The following AASDH variants were observed in gnomAD, a reference collection of about 807,000 sequenced individuals.
AASDH encodes beta-alanine-activating enzyme.
A neutral mutation model predicts 102.3 loss-of-function variants in AASDH; 81 were observed. The observed-to-expected ratio is 0.79, with a 90% CI of 0.66 to 0.95. The LOEUF is 0.95. Ranked by LOEUF, AASDH falls within the 40% of genes least tolerant of loss-of-function variation. The pLI, the probability that AASDH is intolerant of heterozygous loss-of-function variation, is 0.00. For synonymous variants in AASDH, 398 were observed against 454.0 expected, an observed-to-expected ratio of 0.88 and a Z score of 1.57; for missense variants, 1,203 against 1,266.2, an observed-to-expected ratio of 0.95 and a Z score of 0.76.
intron 5 of AASDH, among the ~76,000 whole-genome samples, chr4:56,359,801 C>T (rs1750087593): frequency 6.6e-6 from 1 of 152,104 alleles, no homozygotes; most frequent in Non-Finnish European, 1.5e-5. Flanking sequence ...TCATGATCCA[C>T]CCGCCTCGGC....
chr4:56,377,046 G>A (rs1321220520), intron 4 of AASDH, among the ~76,000 whole-genome samples: 1 of 141,124 alleles, frequency 7.1e-6, no homozygotes, highest in African/African-American at 2.6e-5. Context: ...CAGCCTGGGC[G>A]ACAGAGCGAG....
intron 11 of AASDH, 192 bp downstream of exon 11, chr4:56,349,071 T>G: frequency 1.6e-6 from 1 of 623,142 alleles, no homozygotes; most frequent in Non-Finnish European, 2.8e-6. Context: ...ATAATAGCTA[T>G]ACAGGTAGGT....
intron 7 of AASDH, 54 bp downstream of exon 7, chr4:56,354,651 C>T (rs1316165005): frequency 2.9e-5 from 37 of 1,271,350 alleles, no homozygotes; most frequent in African/African-American, 6.0e-5. Context: ...AAAATTAACA[C>T]ATCAGATCAT....
chr4:56,338,778 G>C lies in AASDH; in HGVS notation c.2921C>G (p.Ser974Cys). 1 of 1,613,892 alleles carries C rather than the reference G, an allele frequency of 6.2e-7. No individual in the cohort carries two copies. The highest frequency in any genetic ancestry group is 1.7e-5 in the Admixed American group (1 of 60,004). The stretch of plus-strand genomic sequence containing the variant: ...GGATGAAAAGATTGGTCCACTGGTA[G>C]AGAACTGCCAAACCTATAACAAGTA... Reference protein sequence around the residue: ...THFGEQVWQFSTSGPIFSSPC... With the variant: ...THFGEQVWQFCTSGPIFSSPC... Residue 974 changes from serine to cysteine, a missense_variant, in exon 15 of 15, where the codon TCT becomes TGT. Coordinates refer to ENST00000205214, the MANE Select transcript of AASDH (RefSeq NM_181806.4).
rs970444633 is a variant in AASDH, at chr4:56,342,750, T to C, written c.2907+85A>G. On this transcript the variant is annotated intron_variant, in intron 14 of 14. Coordinates refer to ENST00000205214, the MANE Select transcript of AASDH (RefSeq NM_181806.4). ...TAAAAAATATAAATAGAACTATAGA[T>C]ATATAAAATTTCTAGTTCTATTTTT... 2.5e-5 allele frequency: 12 copies of C among 485,690 alleles called. No individual in the cohort carries two copies. In the African/African-American group the frequency reaches 2.5e-4, roughly 10 times the overall value. 30.1% of individuals were successfully genotyped at this position (485,690 alleles called of 1,614,324 possible).
At chr4:56,349,190 T>G in intron 11 of AASDH, 73 bp downstream of exon 11, 1 of 1,481,658 alleles carries the variant, frequency 6.7e-7, no homozygotes, top group Non-Finnish European at 9.1e-7. Context: ...TTTAAAAAAT[T>G]TAACTTGGGC....
intron 5 of AASDH, among the ~76,000 whole-genome samples, chr4:56,370,076 A>T (rs1315228512): frequency 5.3e-5 from 8 of 151,880 alleles, no homozygotes; most frequent in Non-Finnish European, 1.0e-4. Flanking sequence ...TTGAAATCCT[A>T]ACTCTCAGGC....
intron 4 of AASDH, among the ~76,000 whole-genome samples, chr4:56,374,369 GAA>G (rs71192096): frequency 9.4e-6 from 1 of 105,892 alleles, no homozygotes; most frequent in African/African-American, 3.8e-5. Flanking sequence ...CTCTGTCTCA[GAA>G]AAAAAAAAAA....
intron 5 of AASDH, among the ~76,000 whole-genome samples, chr4:56,365,571 A>T (rs1750892646): frequency 1.3e-5 from 2 of 152,110 alleles, no homozygotes. Flanking sequence ...AAACTCACTC[A>T]AAACCGCTCA....
At chr4:56,374,642 T>G (rs1038095617) in intron 4 of AASDH, among the ~76,000 whole-genome samples, 2 of 152,224 alleles carry the variant, frequency 1.3e-5, no homozygotes, top group African/African-American at 4.8e-5. Context: ...GTTCTTCCTA[T>G]GAACAAATAA....
In AASDH at chr4:56,346,298, CT is replaced by C. The variant is rs567926217; in HGVS notation, c.2489-1009del. On this transcript the variant is annotated intron_variant, in intron 11 of 14. Coordinates refer to ENST00000205214, the MANE Select transcript of AASDH (RefSeq NM_181806.4). ...TGTACTTTTTATGCTTTTTTTTCCC[CT>C]GGCAGTTATTATTTAGTAGCAAGAG... 1.9e-3 allele frequency among the ~76,000 whole-genome samples: 290 copies of C among 152,212 alleles called. 2 individuals carry two copies. The highest frequency in any genetic ancestry group is 6.6e-3 in the African/African-American group (274 of 41,530).
At chr4:56,363,110 G>A (rs148783442) in intron 5 of AASDH, among the ~76,000 whole-genome samples, 3,144 of 152,338 alleles carry the variant, frequency 0.021, 48 homozygotes, top group South Asian at 0.046. Flanking sequence ...CTATGCCCAC[G>A]GAGCCTGGCT....
rs1753703172 is a variant in AASDH at position 56,387,426 on chromosome 4, A to G, written c.-107T>C. ...CTTTCCCGGATAGCTCGTCGCGGATACTTCTCACAGCGAAGCAGCAGCTCC... is the reference window on the plus strand; with the variant it reads ...CTTTCCCGGATAGCTCGTCGCGGATGCTTCTCACAGCGAAGCAGCAGCTCC... On this transcript the variant is annotated 5_prime_UTR_variant, in exon 1 of 15. Transcript: ENST00000205214. 6.6e-6 allele frequency: 1 copy of G among 152,252 alleles called. No individual in the cohort carries two copies. The highest frequency in any genetic ancestry group is 2.4e-5 in the African/African-American group (1 of 41,448). 9.4% of individuals were successfully genotyped at this position (152,252 alleles called of 1,614,324 possible).
intron 4 of AASDH, among the ~76,000 whole-genome samples, chr4:56,372,773 C>G (rs1560607272): frequency 6.6e-6 from 1 of 152,154 alleles, no homozygotes; most frequent in Non-Finnish European, 1.5e-5. Flanking sequence ...GACAGTTTAA[C>G]AACAGAAAAG....
chr4:56,359,717 C>T (rs1424224430), intron 5 of AASDH, among the ~76,000 whole-genome samples: 1 of 152,008 alleles, frequency 6.6e-6, no homozygotes, highest in African/African-American at 2.4e-5. Flanking sequence ...CACCACCGTG[C>T]CCAGCTAATT....
Position 56,385,929 on chromosome 4 carries a change from CTTT to C in AASDH, c.-43+1430_-43+1432del, listed in dbSNP as rs199518814. Among the ~76,000 whole-genome samples the C allele has an allele frequency of 3.5e-3, 393 of 113,736 alleles. 1 individual carries two copies. The highest frequency in any genetic ancestry group is 0.011 in the African/African-American group (365 of 33,722). 74.6% of individuals were successfully genotyped at this position (113,736 alleles called of 152,430 possible). The stretch of plus-strand genomic sequence containing the variant: ...GGCCGAGTCAAGTTTTCTTTTCTTT[CTTT>C]TTTTTTTTTTAATTTATTCACACCT... On this transcript the variant is annotated intron_variant, in intron 1 of 14. Coordinates refer to ENST00000205214, the MANE Select transcript of AASDH (RefSeq NM_181806.4).
intron 3 of AASDH, among the ~76,000 whole-genome samples, chr4:56,380,431 A>G (rs553150168): frequency 6.6e-6 from 1 of 152,292 alleles, no homozygotes; most frequent in Admixed American, 6.5e-5. Context: ...AGAAGCCTAC[A>G]GTGTTTTCTT....
chr4:56,358,096 ATTATC>A (rs1449755970), intron 5 of AASDH, among the ~76,000 whole-genome samples: 1 of 152,020 alleles, frequency 6.6e-6, no homozygotes, highest in East Asian at 1.9e-4. Flanking sequence ...TAGTGTAAAT[ATTATC>A]TTAATTTCAT....
At chr4:56,364,958 T>C (rs1750799823) in intron 5 of AASDH, among the ~76,000 whole-genome samples, 1 of 152,156 alleles carries the variant, frequency 6.6e-6, no homozygotes, top group Non-Finnish European at 1.5e-5. Context: ...ATCAGTGTGC[T>C]GTATTCAGGA....
Sources: gnomAD v4.1 joint callset for allele counts (sites outside exome capture counted in the v4.1 genomes callset) on GRCh38, gnomAD v4.1.1 for gene constraint, MANE v1.5 for transcripts, NCBI Gene and HGNC (gene_info 2026-07-23, HGNC 2026-07-21) for gene names.